The following GLRX variants were observed in gnomAD, a reference collection of about 807,000 sequenced individuals.
GLRX encodes glutaredoxin, also known as glutaredoxin-1.
GLRX carries 9 observed loss-of-function variants against 11.1 expected under a neutral mutation model. The ratio of observed to expected loss-of-function variants is 0.81; its 90% CI spans 0.49 to 1.42. The LOEUF (loss-of-function observed/expected upper bound fraction) is 1.42, where lower values mean the gene tolerates loss of function less well. Ranked by LOEUF, GLRX falls within the 40% of genes most tolerant of loss-of-function variation. GLRX has a pLI of 0.00. For synonymous variants in GLRX, 49 were observed against 49.5 expected (o/e 0.99, Z 0.04); for missense variants, 102 against 126.2 (o/e 0.81, Z 0.92).
At chr5:95,815,090 C>T (rs756314768) in intron 2 of GLRX, 7 of 152,272 alleles carry the variant, frequency 4.6e-5, no homozygotes, top group Admixed American at 2.6e-4. Context: ...CAGTAAAATA[C>T]TGACAGCATA....
In GLRX at chr5:95,816,543, C is replaced by A; in HGVS notation, c.291G>T (p.Thr97=). The part of the protein sequence containing the change: ...VSLQQSGELL[T]RLKQIGALQ ...GCAGAGCTCCAATCTGCTTTAGCCG[C>A]GTCAGCAGTTCCCCACTCTGTTGCA... Residue 97 remains threonine, a synonymous_variant, in exon 2 of 3, where the codon ACG becomes ACT. Coordinates refer to ENST00000237858, the MANE Select transcript of GLRX (RefSeq NM_001118890.2). 2 of 1,604,428 alleles carry A rather than the reference C, an allele frequency of 1.2e-6. No homozygotes were observed. Among genetic ancestry groups the A allele is most frequent in the African/African-American group, 1.3e-5 (1 of 74,820 alleles).
chr5:95,822,116 G>C (rs1747260952), intron 1 of GLRX: 3 of 308,568 alleles, frequency 9.7e-6, no homozygotes, highest in Non-Finnish European at 1.8e-5. Context: ...CTCCAGCCCT[G>C]CCAACTGAAA....
Position 95,822,670 on chromosome 5 carries a change from G to T in GLRX, c.-8C>A. On this transcript the variant is annotated 5_prime_UTR_variant, in exon 1 of 3. Transcript: ENST00000237858. ...CACAAACTCTTGAGCCATGCCGATG[G>T]GCTGCGGTCTCCCCGGGAAGAATCC... 6.2e-7 allele frequency: 1 copy of T among 1,612,552 alleles called. No individual in the cohort carries two copies. The highest frequency in any genetic ancestry group is 8.5e-7 in the Non-Finnish European group (1 of 1,178,664).
At chr5:95,821,473 AG>A (rs1353285595) in intron 1 of GLRX, among the ~76,000 whole-genome samples, 1 of 15,582 alleles carries the variant, frequency 6.4e-5, no homozygotes, top group Non-Finnish European at 1.2e-4. Context: ...AGAGAAGGGG[AG>A]AGAAACAACC....
Position 95,822,695 on chromosome 5 carries a change from C to T in GLRX, c.-33G>A. The T allele has an allele frequency of 1.3e-6, 2 of 1,584,202 alleles. No individual in the cohort carries two copies. Among genetic ancestry groups the T allele is most frequent in the East Asian group, 2.2e-5 (1 of 44,664 alleles). On this transcript the variant is annotated 5_prime_UTR_variant, in exon 1 of 3. Coordinates refer to ENST00000237858, the MANE Select transcript of GLRX (RefSeq NM_001118890.2). ...GGCTGCGGTCTCCCCGGGAAGAATC[C>T]TCAGTTGCAGGTATTGCTTGGGGTA...
intron 1 of GLRX, chr5:95,822,253 G>A (rs1181279207): frequency 3.4e-6 from 2 of 596,634 alleles, no homozygotes; most frequent in East Asian, 5.6e-5. Context: ...CTTCTGCCCC[G>A]TGAAGACCTT....
chr5:95,819,727 G>T (rs778206214), intron 1 of GLRX, among the ~76,000 whole-genome samples: 2 of 151,720 alleles, frequency 1.3e-5, no homozygotes, highest in Non-Finnish European at 2.9e-5. Flanking sequence ...GTGAAAACCC[G>T]TCTCTACTAA....
chr5:95,822,518 T>C lies in GLRX; in HGVS notation c.145A>G (p.Thr49Ala). Residue 49 changes from threonine to alanine, a missense_variant, in exon 1 of 3, where the codon ACA (threonine) becomes GCA (alanine). By Grantham distance (58) the Thr-to-Ala change is moderately conservative. Coordinates refer to ENST00000237858, the MANE Select transcript of GLRX (RefSeq NM_001118890.2). ...ATCTCGTTAGTGTGGTTGGTGGCTG[T>C]GATATCGACAAATTCCAGAAGCCCT... is the stretch of plus-strand genomic sequence containing the variant. ...KQGLLEFVDI[T>A]ATNHTNEIQD... 6.2e-7 allele frequency: 1 copy of C among 1,613,954 alleles called. No individual in the cohort carries two copies. Among genetic ancestry groups the C allele is most frequent in the Non-Finnish European group, 8.5e-7 (1 of 1,179,848 alleles).
chr5:95,822,322 C>A, intron 1 of GLRX, 134 bp downstream of exon 1: 1 of 674,030 alleles, frequency 1.5e-6, no homozygotes, highest in East Asian at 2.8e-5. Flanking sequence ...CGCCCTCCCC[C>A]ACACCCCCCG....
intron 1 of GLRX, among the ~76,000 whole-genome samples, chr5:95,820,488 C>A (rs1747190397): frequency 6.6e-6 from 1 of 151,374 alleles, no homozygotes; most frequent in Non-Finnish European, 1.5e-5. Context: ...GTGGGTGGAT[C>A]ACCTGAGGTC....
chr5:95,815,496 T>C (rs1281334382), intron 2 of GLRX, among the ~76,000 whole-genome samples: 3 of 152,050 alleles, frequency 2.0e-5, no homozygotes, highest in Non-Finnish European at 4.4e-5. Flanking sequence ...AAGAAATGAG[T>C]TATTAATTAG....
chr5:95,821,574 T>C lies in GLRX; in HGVS notation c.207+882A>G, dbSNP rs145814976. Among the ~76,000 whole-genome samples, 401 of 152,306 alleles carry C rather than the reference T, an allele frequency of 2.6e-3. 1 individual carries two copies. The highest frequency in any genetic ancestry group is 9.0e-3 in the African/African-American group (373 of 41,556). On this transcript the variant is annotated intron_variant, in intron 1 of 2. Coordinates refer to ENST00000237858, the MANE Select transcript of GLRX (RefSeq NM_001118890.2). ...ATGTGCTTGGCCTAACACTGTGCTG[T>C]AGAATTCGTGCATCGTAAAAGAGAA...
chr5:95,816,801 C>T, intron 1 of GLRX, 175 bp from the exon 2 acceptor site: 1 of 510,254 alleles, frequency 2.0e-6, no homozygotes, highest in Non-Finnish European at 3.6e-6. Flanking sequence ...ACATTATTAA[C>T]TCGAGAATGT....
In GLRX at chr5:95,816,595, A is replaced by G. The variant is rs1404954103; in HGVS notation, c.239T>C (p.Ile80Thr). Residue 80 changes from isoleucine to threonine, a missense_variant, in exon 2 of 3, where the codon ATA (isoleucine) becomes ACA (threonine). Physicochemically the swap from Ile to Thr is moderately conservative, Grantham distance 89. Transcript: ENST00000237858. The part of the protein sequence containing the change: ...VPRVFIGKDC[I>T]GGCSDLVSLQ... ...AGAGACTAGATCACTGCATCCGCCT[A>G]TACAATCTTTACCAATAAAGACTCG... The G allele has an allele frequency of 1.2e-6, 2 of 1,607,162 alleles. No individual in the cohort carries two copies. The highest frequency in any genetic ancestry group is 8.5e-7 in the Non-Finnish European group (1 of 1,173,630).
intron 1 of GLRX, 161 bp from the exon 2 acceptor site, chr5:95,816,787 G>A (rs1320881430): frequency 1.8e-5 from 10 of 549,896 alleles, no homozygotes; most frequent in Non-Finnish European, 3.3e-5. Flanking sequence ...TGTTATAAGG[G>A]GTAACATTAT....
At chr5:95,822,411 A>C in intron 1 of GLRX, 45 bp downstream of exon 1, 1 of 1,472,966 alleles carries the variant, frequency 6.8e-7, no homozygotes, top group Non-Finnish European at 9.5e-7. Flanking sequence ...TGACAAGAAA[A>C]GGCAATCCGG....
At chr5:95,816,481 G>A in intron 2 of GLRX, 26 bp downstream of exon 2, 1 of 1,060,806 alleles carries the variant, frequency 9.4e-7, no homozygotes. Flanking sequence ...CCATGTTCCT[G>A]GCCCAGCACC....
chr5:95,818,372 GCTGCTTC>G (rs1174439988), intron 1 of GLRX: 1 of 152,406 alleles, frequency 6.6e-6, no homozygotes. Flanking sequence ...AATACCCTGT[GCTGCTTC>G]CCCTCCTGTC....
chr5:95,818,330 G>C (rs943694289), intron 1 of GLRX: 3 of 152,330 alleles, frequency 2.0e-5, no homozygotes, highest in African/African-American at 7.2e-5. Context: ...AAAGCAAGAA[G>C]TACTGTTGAT....
Sources: gnomAD v4.1 joint callset for allele counts (sites outside exome capture counted in the v4.1 genomes callset) on GRCh38, gnomAD v4.1.1 for gene constraint, MANE v1.5 for transcripts, NCBI Gene and HGNC (gene_info 2026-07-23, HGNC 2026-07-21) for gene names.